The following LOC122539214 variants were observed in gnomAD, a reference collection of about 807,000 sequenced individuals.
chr19:52,663,624 A>G, the LOC122539214 span, among the ~76,000 whole-genome samples: 1 of 152,254 alleles, frequency 6.6e-6, no homozygotes, highest in African/African-American at 2.4e-5. Context: ...TTTATTGAGT[A>G]CACATTGAAA....
the LOC122539214 span, among the ~76,000 whole-genome samples, chr19:52,689,556 A>G: frequency 6.6e-6 from 1 of 151,352 alleles, no homozygotes; most frequent in African/African-American, 2.4e-5. Flanking sequence ...CCCTCTCCCT[A>G]CCTTGCTGTC....
At chr19:52,671,599 A>G in the LOC122539214 span, among the ~76,000 whole-genome samples, 13 of 152,048 alleles carry the variant, frequency 8.5e-5, no homozygotes, top group Non-Finnish European at 1.8e-4. Context: ...CTCACCACCA[A>G]GCCTGGCTAA....
At chr19:52,657,844 T>C in the LOC122539214 span, among the ~76,000 whole-genome samples, 39 of 147,632 alleles carry the variant, frequency 2.6e-4, no homozygotes, top group African/African-American at 9.4e-4. Context: ...AAAAACTCTG[T>C]CTAAAAAAAA....
At chr19:52,655,386 T>C in the LOC122539214 span, 1 of 638,914 alleles carries the variant, frequency 1.6e-6, no homozygotes, top group East Asian at 2.8e-5. Flanking sequence ...AACCACTCCA[T>C]AGGATAGTCT....
the LOC122539214 span, chr19:52,655,393 G>C: frequency 1.5e-6 from 1 of 665,394 alleles, no homozygotes; most frequent in Non-Finnish European, 2.6e-6. Context: ...CCATAGGATA[G>C]TCTCTAAGAA....
chr19:52,676,705 G>A, the LOC122539214 span, among the ~76,000 whole-genome samples: 449 of 137,406 alleles, frequency 3.3e-3, 8 homozygotes, highest in Middle Eastern at 0.026. Flanking sequence ...GTGGGGAAAA[G>A]ATTGAGAAAT....
chr19:52,670,916 G>C, the LOC122539214 span, among the ~76,000 whole-genome samples: 1 of 152,164 alleles, frequency 6.6e-6, no homozygotes, highest in Non-Finnish European at 1.5e-5. Context: ...AAAGATGTTG[G>C]AGACCAAGGT....
chr19:52,663,393 TC>T, the LOC122539214 span, among the ~76,000 whole-genome samples: 1 of 152,200 alleles, frequency 6.6e-6, no homozygotes, highest in East Asian at 1.9e-4. Context: ...AATGTTTTCT[TC>T]ATGAACACAT....
At chr19:52,656,222 C>CTATATA in the LOC122539214 span, among the ~76,000 whole-genome samples, 2 of 127,390 alleles carry the variant, frequency 1.6e-5, no homozygotes, top group African/African-American at 5.5e-5. Context: ...CTCTCTCTCT[C>CTATATA]TCTCTATATA....
the LOC122539214 span, among the ~76,000 whole-genome samples, chr19:52,661,364 C>T: frequency 0.28 from 42,768 of 152,022 alleles, 6,257 homozygotes; most frequent in Middle Eastern, 0.36. Flanking sequence ...TCCACACACA[C>T]GCTGAAGCAG....
chr19:52,689,396 C>T, the LOC122539214 span, among the ~76,000 whole-genome samples: 28 of 152,156 alleles, frequency 1.8e-4, no homozygotes, highest in Non-Finnish European at 3.4e-4. Context: ...TACCCTCATC[C>T]CCACTCTCTA....
At chr19:52,686,550 G>C in the LOC122539214 span, among the ~76,000 whole-genome samples, 1 of 150,986 alleles carries the variant, frequency 6.6e-6, no homozygotes, top group East Asian at 1.9e-4. Flanking sequence ...AAGCACTTTT[G>C]ATACCCCTTT....
the LOC122539214 span, among the ~76,000 whole-genome samples, chr19:52,683,055 G>C: frequency 2.3e-5 from 3 of 129,524 alleles, no homozygotes; most frequent in Non-Finnish European, 4.8e-5. Flanking sequence ...ATTTTTAGTA[G>C]AGATGAGGTT....
the LOC122539214 span, among the ~76,000 whole-genome samples, chr19:52,670,913 T>A: frequency 6.6e-6 from 1 of 152,238 alleles, no homozygotes; most frequent in South Asian, 2.1e-4. Context: ...ATAAAAGATG[T>A]TGGAGACCAA....
the LOC122539214 span, among the ~76,000 whole-genome samples, chr19:52,682,241 G>A: frequency 6.6e-6 from 1 of 152,078 alleles, no homozygotes; most frequent in Non-Finnish European, 1.5e-5. Flanking sequence ...TGCAAATGAT[G>A]TGTTTTCTAC....
chr19:52,685,912 A>G, the LOC122539214 span, among the ~76,000 whole-genome samples: 2 of 151,666 alleles, frequency 1.3e-5, no homozygotes, highest in African/African-American at 2.4e-5. Context: ...AAAAAAAAAA[A>G]AAAAAAAAAA....
At chr19:52,659,613 C>CAAAAAAAAAAA in the LOC122539214 span, among the ~76,000 whole-genome samples, 12 of 114,256 alleles carry the variant, frequency 1.1e-4, no homozygotes, top group South Asian at 3.0e-4. Flanking sequence ...GACTCCAACT[C>CAAAAAAAAAAA]AAAAAAAAAA....
At chr19:52,659,613 C>CA in the LOC122539214 span, among the ~76,000 whole-genome samples, 1,013 of 114,224 alleles carry the variant, frequency 8.9e-3, 26 homozygotes, top group South Asian at 0.036. Flanking sequence ...GACTCCAACT[C>CA]AAAAAAAAAA....
At chr19:52,683,530 G>GTGCATCACCTGCTGGT in the LOC122539214 span, among the ~76,000 whole-genome samples, 3 of 83,582 alleles carry the variant, frequency 3.6e-5, no homozygotes, top group African/African-American at 2.2e-4. Flanking sequence ...CCAAAGGGAA[G>GTGCATCACCTGCTGGT]GGCAAAGTCC....
Sources: allele counts gnomAD v4.1 joint callset (sites outside exome capture counted in the v4.1 genomes callset), GRCh38; gene constraint gnomAD v4.1.1; transcripts MANE v1.5.